RP1: variants seen among roughly 807,000 people sequenced by gnomAD.
RP1 encodes RP1 axonemal microtubule associated, also known as oxygen-regulated protein 1.
A neutral mutation model predicts 14.8 loss-of-function variants in RP1; 16 were observed. That is an observed-to-expected ratio of 1.08 (90% CI 0.73 to 1.65). The LOEUF (loss-of-function observed/expected upper bound fraction) is 1.65. RP1 is among the 40% of genes most tolerant of loss of function. RP1 has a pLI of 0.00. For synonymous variants in RP1, 876 were observed against 883.6 expected (o/e 0.99, Z 0.15); for missense variants, 2,631 against 2,535.0 (o/e 1.04, Z -0.81).
intron 15 of RP1, among the ~76,000 whole-genome samples, chr8:54,716,173 A>G (rs2129348681): frequency 6.6e-6 from 1 of 152,278 alleles, no homozygotes; most frequent in Non-Finnish European, 1.5e-5. Context: ...TACTATAATG[A>G]AACACAGTTT....
chr8:54,592,897 A>G (rs1466554431), intron 1 of RP1, among the ~76,000 whole-genome samples: 2 of 152,190 alleles, frequency 1.3e-5, no homozygotes. Flanking sequence ...AAAAGTTTCT[A>G]GGAAGTGCTC....
Position 54,624,681 on chromosome 8 carries a change from A to G in RP1, c.799A>G (p.Met267Val). 6.2e-7 allele frequency: 1 copy of G among 1,613,866 alleles called. No individual in the cohort carries two copies. Among genetic ancestry groups the G allele is most frequent in the Non-Finnish European group, 8.5e-7 (1 of 1,179,928 alleles). ...TAAAATCTTTAAAGTAAGCACACAT[A>G]TGTCTTCAAGCTCAAGGTCCCAGAT... ...KSESRKISTH[M>V]SSSSRSQIYS... Residue 267 changes from methionine (M) to valine (V), a missense_variant, in exon 4 of 4, where the codon ATG (methionine) becomes GTG (valine). Met to Val is a conservative substitution (Grantham distance 21). Coordinates refer to ENST00000220676, the MANE Select transcript of RP1 (RefSeq NM_006269.2).
chr8:54,603,579 T>A (rs1169886102), intron 1 of RP1, among the ~76,000 whole-genome samples: 2 of 152,072 alleles, frequency 1.3e-5, no homozygotes, highest in Non-Finnish European at 2.9e-5. Context: ...GTGAAGAAAG[T>A]CATTGGTAGC....
At chr8:54,609,887 C>T (rs1335756581) in intron 1 of RP1, among the ~76,000 whole-genome samples, 1 of 152,242 alleles carries the variant, frequency 6.6e-6, no homozygotes, top group African/African-American at 2.4e-5. Context: ...GCTCCCTGCT[C>T]TTACCCACAG....
chr8:54,640,133 CT>C, intron 3 of RP1, among the ~76,000 whole-genome samples: 1 of 150,116 alleles, frequency 6.7e-6, no homozygotes. Context: ...TTTAAATATA[CT>C]GTGGGAGGTA....
intron 24 of RP1, among the ~76,000 whole-genome samples, chr8:54,811,689 T>C (rs1810998915): frequency 1.3e-5 from 2 of 152,218 alleles, no homozygotes; most frequent in Admixed American, 1.3e-4. Flanking sequence ...TCCCCAGCCA[T>C]TTTTAAAACT....
At chr8:54,775,619 C>A (rs1057254688) in intron 23 of RP1, among the ~76,000 whole-genome samples, 1 of 152,188 alleles carries the variant, frequency 6.6e-6, no homozygotes, top group African/African-American at 2.4e-5. Flanking sequence ...CCCCAGTTGA[C>A]ACTATGTGGA....
At chr8:54,814,399 C>T (rs138999978) in intron 24 of RP1, among the ~76,000 whole-genome samples, 1 of 152,106 alleles carries the variant, frequency 6.6e-6, no homozygotes, top group East Asian at 1.9e-4. Context: ...ACTGTACTGT[C>T]CCTTGAAAGT....
chr8:54,595,013 C>T (rs1354339626), intron 1 of RP1, among the ~76,000 whole-genome samples: 1 of 151,772 alleles, frequency 6.6e-6, no homozygotes, highest in Admixed American at 6.6e-5. Context: ...TTTTCTTACT[C>T]AAAAATCCCT....
chr8:54,726,152 C>T (rs1475210209), intron 16 of RP1, among the ~76,000 whole-genome samples: 1 of 152,150 alleles, frequency 6.6e-6, no homozygotes, highest in Admixed American at 6.5e-5. Context: ...GGATGCCACC[C>T]ATGCACAGCC....
intron 7 of RP1, among the ~76,000 whole-genome samples, chr8:54,665,119 CA>C (rs1284181195): frequency 6.6e-6 from 1 of 152,270 alleles, no homozygotes; most frequent in East Asian, 1.9e-4. Flanking sequence ...GTTCATTCAT[CA>C]CTGTCTTGAT....
At chr8:54,714,308 G>A (rs1320536029) in intron 15 of RP1, among the ~76,000 whole-genome samples, 1 of 152,150 alleles carries the variant, frequency 6.6e-6, no homozygotes, top group Non-Finnish European at 1.5e-5. Flanking sequence ...GACAGACTTG[G>A]TAAAACTAAC....
intron 1 of RP1, among the ~76,000 whole-genome samples, chr8:54,586,712 G>T (rs529263481): frequency 2.0e-5 from 3 of 152,280 alleles, no homozygotes; most frequent in African/African-American, 7.2e-5. Flanking sequence ...CCCTCCCCCA[G>T]CCTCGCTGCC....
intron 25 of RP1, among the ~76,000 whole-genome samples, chr8:54,839,050 A>G (rs1365529364): frequency 2.6e-5 from 4 of 152,216 alleles, no homozygotes; most frequent in Non-Finnish European, 5.9e-5. Context: ...CATCATCATC[A>G]TTATTAAATA....
rs371895894 is a variant in RP1 at position 54,641,354 on chromosome 8, C to T, written c.788-7631C>T. Among the ~76,000 whole-genome samples, 47 of 152,242 alleles carry T rather than the reference C, an allele frequency of 3.1e-4. 1 individual carries two copies. The South Asian group carries it at 9.3e-3, about 30-fold the overall frequency. ...GTTATGTATATGAATTGCAATCACTCAGGCATGTAGACAGACACAGGCACT... is the reference window on the plus strand; with the variant it reads ...GTTATGTATATGAATTGCAATCACTTAGGCATGTAGACAGACACAGGCACT... On this transcript the variant is annotated intron_variant, in intron 3 of 22. Coordinates refer to the RP1 transcript ENST00000636932.
At chr8:54,671,049 A>C (rs1347678395) in intron 7 of RP1, among the ~76,000 whole-genome samples, 2 of 151,944 alleles carry the variant, frequency 1.3e-5, no homozygotes, top group African/African-American at 4.8e-5. Context: ...GAGCTTACTC[A>C]GTTTGTTTAT....
rs1806178468 is a variant in RP1 at position 54,629,243 on chromosome 8, T to G, written c.5361T>G (p.His1787Gln). The G allele has an allele frequency of 1.9e-6, 3 of 1,613,886 alleles. No homozygotes were observed. The highest frequency in any genetic ancestry group is 2.5e-6 in the Non-Finnish European group (3 of 1,179,938). The change falls in exon 4 of 4, where the codon CAT (histidine) becomes CAG (glutamine). Residue 1787 changes from histidine (H) to glutamine (Q), a missense_variant. Transcript: ENST00000220676. ...DNNSSEVPYS[H>Q]FGNLAPGPTM... is the part of the protein sequence containing the mutation. ...ACAGCAGTGAGGTACCATATTCACA[T>G]TTTGGTAATTTGGCCCCAGGCCCAA...
At position 54,625,862 on chromosome 8, in the gene RP1, T is replaced by A. The variant is rs886062990; in HGVS notation, c.1980T>A (p.Asn660Lys). 3.0e-5 allele frequency: 48 copies of A among 1,613,412 alleles called. No individual in the cohort carries two copies. Among genetic ancestry groups the A allele is most frequent in the Non-Finnish European group, 4.0e-5 (47 of 1,179,904 alleles). Residue 660 changes from asparagine to lysine, a missense_variant, in exon 4 of 4, where the codon AAT becomes AAA. Transcript: ENST00000220676. ...GTGGTTTAACAAAACTTCCAAAAAA[T>A]GAAAAGAAGATTTTGTCATCTGTTG... The part of the protein sequence containing the change: ...AQCGLTKLPK[N>K]EKKILSSVAS...
chr8:54,777,601 T>C (rs892499750), intron 23 of RP1, among the ~76,000 whole-genome samples: 2 of 152,178 alleles, frequency 1.3e-5, no homozygotes, highest in Non-Finnish European at 2.9e-5. Flanking sequence ...ATAGGATTAA[T>C]GATATTTGTC....
Sources: allele counts gnomAD v4.1 joint callset (sites outside exome capture counted in the v4.1 genomes callset), GRCh38; gene constraint gnomAD v4.1.1; transcripts MANE v1.5; gene names NCBI Gene and HGNC (gene_info 2026-07-23, HGNC 2026-07-21).